The following MYCBP2 variants were observed in gnomAD, a reference collection of about 807,000 sequenced individuals.
MYCBP2 encodes the protein E3 ubiquitin-protein ligase MYCBP2.
MYCBP2 carries 120 observed loss-of-function variants against 525.3 expected under a neutral mutation model. The observed-to-expected ratio is 0.23, with a 90% CI of 0.20 to 0.27. The LOEUF is 0.27. Ranked by LOEUF, MYCBP2 falls within the 10% of genes least tolerant of loss-of-function variation. MYCBP2 has a pLI of 1.00. For synonymous variants in MYCBP2, 1,894 were observed against 1,955.8 expected (o/e 0.97, Z 0.83); for missense variants, 4,149 against 5,657.1 (o/e 0.73, Z 8.55).
At chr13:77,079,146 C>G (rs150706323) in intron 65 of MYCBP2, among the ~76,000 whole-genome samples, 43 of 152,260 alleles carry the variant, frequency 2.8e-4, no homozygotes, top group Admixed American at 5.2e-4. Flanking sequence ...TCTCCTTATT[C>G]AAAGTCTAAA....
intron 14 of MYCBP2, among the ~76,000 whole-genome samples, chr13:77,254,331 T>C (rs2071771601): frequency 6.6e-6 from 1 of 151,728 alleles, no homozygotes; most frequent in Non-Finnish European, 1.5e-5. Context: ...AATATGATAA[T>C]AAGCCTTGGA....
In MYCBP2 at chr13:77,097,717, A is replaced by G. The variant is rs1377652891; in HGVS notation, c.9437T>C (p.Met3146Thr). ...GKTETTFEMS[M>T]HNTMKSKSPL... is the part of the protein sequence containing the mutation. ...AGACTTAGACTTCATTGTGTTATGC[A>G]TGGACATTTCAAAAGTGGTCTCGGT... Residue 3146 changes from methionine (M) to threonine (T), a missense_variant, in exon 56 of 83, where the codon ATG (methionine) becomes ACG (threonine). Transcript: ENST00000544440. The G allele has an allele frequency of 6.2e-7, 1 of 1,613,712 alleles. No individual in the cohort carries two copies. The highest frequency in any genetic ancestry group is 8.5e-7 in the Non-Finnish European group (1 of 1,179,808).
intron 11 of MYCBP2, among the ~76,000 whole-genome samples, 156 bp downstream of exon 11, chr13:77,261,897 C>G (rs968453731): frequency 6.6e-6 from 1 of 151,914 alleles, no homozygotes; most frequent in East Asian, 1.9e-4. Flanking sequence ...CTGTTCCCTA[C>G]ATGAATAAAA....
chr13:77,158,375 T>C (rs2057465848), intron 44 of MYCBP2, among the ~76,000 whole-genome samples: 1 of 152,206 alleles, frequency 6.6e-6, no homozygotes, highest in Non-Finnish European at 1.5e-5. Context: ...TCTCCTTCCA[T>C]GCCAGTCCTC....
intron 68 of MYCBP2, among the ~76,000 whole-genome samples, chr13:77,073,390 T>C (rs1239699208): frequency 6.6e-6 from 1 of 152,136 alleles, no homozygotes; most frequent in South Asian, 2.1e-4. Flanking sequence ...CATTCTCCAA[T>C]CTTATTAAAA....
In MYCBP2 at chr13:77,154,163, C is replaced by T. The variant is rs188030096; in HGVS notation, c.6915+1895G>A. On this transcript the variant is annotated intron_variant, in intron 46 of 82. Transcript: ENST00000544440. ...TAGGTTAAATTAATTTTGTTTCCAGCTAATATAATATGATATTAATACATT... is the reference window on the plus strand; with the variant it reads ...TAGGTTAAATTAATTTTGTTTCCAGTTAATATAATATGATATTAATACATT... Among the ~76,000 whole-genome samples the T allele has an allele frequency of 4.1e-3, 627 of 152,142 alleles. 12 individuals carry two copies. The highest frequency in any genetic ancestry group is 3.3e-3 in the Non-Finnish European group (226 of 67,980).
At chr13:77,308,429 G>A (rs1295870772) in intron 1 of MYCBP2, among the ~76,000 whole-genome samples, 1 of 152,126 alleles carries the variant, frequency 6.6e-6, no homozygotes, top group Non-Finnish European at 1.5e-5. Context: ...TCAAATACAA[G>A]CTCTGTCATT....
At chr13:77,056,532 T>C (rs2038100400) in intron 79 of MYCBP2, among the ~76,000 whole-genome samples, 1 of 152,220 alleles carries the variant, frequency 6.6e-6, no homozygotes, top group Non-Finnish European at 1.5e-5. Flanking sequence ...TGTGTCAAAA[T>C]GCCAAGAACT....
chr13:77,201,916 C>T (rs1292474378), intron 26 of MYCBP2, among the ~76,000 whole-genome samples: 2 of 151,984 alleles, frequency 1.3e-5, no homozygotes, highest in African/African-American at 4.8e-5. Flanking sequence ...AAATTTATAG[C>T]ACTAAATGCC....
Position 77,068,775 on chromosome 13 carries a change from T to C in MYCBP2, c.11961A>G (p.Glu3987=). The C allele has an allele frequency of 1.9e-6, 3 of 1,614,188 alleles. No individual in the cohort carries two copies. Among genetic ancestry groups the C allele is most frequent in the Non-Finnish European group, 2.5e-6 (3 of 1,180,020 alleles). Reference sequence around the variant, plus strand: ...CTTTGCTTGATATAGCATGTTCCCATTCTTCACGGACTCTGGTAGCTTCCA... The same window carrying C: ...CTTTGCTTGATATAGCATGTTCCCACTCTTCACGGACTCTGGTAGCTTCCA... ...IRMEATRVRE[E]WEHAISSKEN... Residue 3987 remains glutamate, a synonymous_variant, in exon 70 of 83, where the codon GAA becomes GAG. Coordinates refer to ENST00000544440, the MANE Select transcript of MYCBP2 (RefSeq NM_015057.5).
intron 57 of MYCBP2, 40 bp from the exon 58 acceptor site, chr13:77,095,642 C>G: frequency 1.1e-5 from 18 of 1,587,962 alleles, no homozygotes; most frequent in Non-Finnish European, 1.5e-5. Flanking sequence ...TTCTGACTTA[C>G]ATTAAAATCC....
rs1449771553 is a variant in MYCBP2, at chr13:77,099,062, C to A, written c.8141-49G>T. ...AACTTATTAATAAAATTATAACTTA[C>A]TGATAATTTAGCCACTAAACACTGA... On this transcript the variant is annotated intron_variant, in intron 55 of 82. Coordinates refer to ENST00000544440, the MANE Select transcript of MYCBP2 (RefSeq NM_015057.5). 4 of 1,580,668 alleles carry A rather than the reference C, an allele frequency of 2.5e-6. No individual in the cohort carries two copies. The Admixed American group carries it at 7.1e-5, about 28-fold the overall frequency.
At chr13:77,323,527 C>A (rs904807786) in intron 1 of MYCBP2, among the ~76,000 whole-genome samples, 6 of 152,186 alleles carry the variant, frequency 3.9e-5, no homozygotes, top group Non-Finnish European at 8.8e-5. Context: ...GACCATGTTA[C>A]CTAAAATAGC....
At chr13:77,122,520 T>C (rs1052079206) in intron 54 of MYCBP2, among the ~76,000 whole-genome samples, 3 of 151,956 alleles carry the variant, frequency 2.0e-5, no homozygotes, top group African/African-American at 4.8e-5. Context: ...AAACCCCTTC[T>C]GTACTAAAAA....
intron 3 of MYCBP2, among the ~76,000 whole-genome samples, chr13:77,286,755 C>CAAAAA (rs869038227): frequency 8.8e-5 from 1 of 11,362 alleles, no homozygotes; most frequent in Admixed American, 1.8e-3. Context: ...GACTCCGTCT[C>CAAAAA]AAAAAAAAAA....
chr13:77,263,569 G>T, intron 10 of MYCBP2, 82 bp downstream of exon 10: 2 of 1,209,004 alleles, frequency 1.7e-6, no homozygotes, highest in Non-Finnish European at 2.3e-6. Context: ...AAGCTGAACT[G>T]GTGAAAACAC....
intron 27 of MYCBP2, among the ~76,000 whole-genome samples, chr13:77,192,529 T>C (rs1019056989): frequency 6.6e-6 from 1 of 152,126 alleles, no homozygotes; most frequent in African/African-American, 2.4e-5. Flanking sequence ...GTAGCTGGAA[T>C]TGAAAGAAGA....
chr13:77,164,281 G>A (rs1180456045), intron 43 of MYCBP2, among the ~76,000 whole-genome samples, 173 bp downstream of exon 43: 1 of 152,142 alleles, frequency 6.6e-6, no homozygotes, highest in African/African-American at 2.4e-5. Flanking sequence ...AAAGGTCAGA[G>A]GATACCCTTC....
Position 77,098,726 on chromosome 13 carries a change from C to A in MYCBP2, c.8428G>T (p.Ala2810Ser). The change falls in exon 56 of 83, where the codon GCT becomes TCT. Residue 2810 changes from alanine to serine, a missense_variant. Around this residue, in one of 21 missense-constraint regions of MYCBP2, gnomAD observed 653 missense variants for 744.7 expected, o/e 0.88. Transcript: ENST00000544440. ...SDGRMPSSSR[A>S]ESPGPGSRLS... The stretch of plus-strand genomic sequence containing the variant: ...CGAGAACCTGGTCCTGGGGATTCAG[C>A]TCTGGAGCTAGAAGGCATCCTCCCA... 6.2e-7 allele frequency: 1 copy of A among 1,613,454 alleles called. No homozygotes were observed. Among genetic ancestry groups the A allele is most frequent in the Non-Finnish European group, 8.5e-7 (1 of 1,179,724 alleles).
Sources: gnomAD v4.1 joint callset for allele counts (sites outside exome capture counted in the v4.1 genomes callset) on GRCh38, gnomAD v4.1.1 for gene constraint, gnomAD v4.1.1 regional missense constraint, MANE v1.5 for transcripts, NCBI Gene and HGNC (gene_info 2026-07-23, HGNC 2026-07-21) for gene names.